ZNF791: variants seen among roughly 807,000 people sequenced by gnomAD.
ZNF791 encodes the protein zinc finger protein 791.
In ZNF791, 4 loss-of-function variants were observed where a neutral mutation model predicts 11.5. That is an observed-to-expected ratio of 0.35 (90% CI 0.17 to 0.80). The LOEUF is 0.80. Ranked by LOEUF, ZNF791 falls within the 30% of genes least tolerant of loss-of-function variation. ZNF791 has a pLI of 0.53. For missense variants in ZNF791, 559 were observed against 699.4 expected, an observed-to-expected ratio of 0.80 and a Z score of 2.26; for synonymous variants, 212 against 228.1, an observed-to-expected ratio of 0.93 and a Z score of 0.64.
chr19:12,616,999 A>T (rs562892436), intron 1 of ZNF791, among the ~76,000 whole-genome samples: 1 of 111,348 alleles, frequency 9.0e-6, no homozygotes, highest in East Asian at 2.1e-4. Flanking sequence ...AGATCCATGT[A>T]TAAATTTTTT....
chr19:12,616,349 T>C (rs2023244955), intron 1 of ZNF791, among the ~76,000 whole-genome samples: 1 of 152,132 alleles, frequency 6.6e-6, no homozygotes, highest in Non-Finnish European at 1.5e-5. Context: ...TCCCAGCTAC[T>C]CCAGAGGCTA....
chr19:12,612,806 ATTTTT>A (rs140336473), intron 1 of ZNF791, among the ~76,000 whole-genome samples: 2 of 104,214 alleles, frequency 1.9e-5, no homozygotes, highest in South Asian at 3.3e-4. Flanking sequence ...ATTCTGCTGG[ATTTTT>A]TTTTTTTTTT....
At chr19:12,624,904 A>G (rs1280069644) in intron 3 of ZNF791, among the ~76,000 whole-genome samples, 194 bp downstream of exon 3, 1 of 151,852 alleles carries the variant, frequency 6.6e-6, no homozygotes, top group African/African-American at 2.4e-5. Flanking sequence ...AAAAAAAGTT[A>G]GCCAGTTGTG....
intron 1 of ZNF791, among the ~76,000 whole-genome samples, chr19:12,618,203 C>CCAA (rs2145182612): frequency 6.6e-6 from 1 of 152,180 alleles, no homozygotes; most frequent in East Asian, 1.9e-4. Context: ...CAGGCGTGAG[C>CCAA]CACCACGTCC....
chr19:12,633,294 G>C lies in ZNF791; in HGVS notation c.*4034G>C, dbSNP rs189597461. 3 of 152,152 alleles carry C rather than the reference G, an allele frequency of 2.0e-5. No individual in the cohort carries two copies. In the East Asian group the frequency reaches 5.8e-4, roughly 29 times the overall value. 9.4% of individuals were successfully genotyped at this position (152,152 alleles called of 1,614,324 possible). A position where few individuals can be genotyped will look rare whatever the true frequency, so the allele number is the denominator to read the frequency against. Reference sequence around the variant, plus strand: ...GAATTCAGGAAGGACACCTGTGATAGGACAATAAAATCTAGAGCTGGACGT... The same window carrying C: ...GAATTCAGGAAGGACACCTGTGATACGACAATAAAATCTAGAGCTGGACGT... On this transcript the variant is annotated 3_prime_UTR_variant, in exon 4 of 4. Coordinates refer to ENST00000343325, the MANE Select transcript of ZNF791 (RefSeq NM_153358.3).
intron 1 of ZNF791, among the ~76,000 whole-genome samples, chr19:12,615,465 A>G (rs749610671): frequency 1.3e-5 from 2 of 152,008 alleles, no homozygotes; most frequent in African/African-American, 2.4e-5. Flanking sequence ...GATTTCTCTT[A>G]TCGTTGAACA....
chr19:12,619,740 C>A (rs2023307490), intron 1 of ZNF791, among the ~76,000 whole-genome samples: 1 of 151,824 alleles, frequency 6.6e-6, no homozygotes, highest in Non-Finnish European at 1.5e-5. Flanking sequence ...TGAGCCACCG[C>A]GCCCGGCCAC....
rs2023496899 is a variant in ZNF791, at chr19:12,631,105, T to C, written c.*1845T>C. The C allele has an allele frequency of 6.6e-6, 1 of 152,202 alleles. No individual in the cohort carries two copies. The highest frequency in any genetic ancestry group is 2.1e-4 in the South Asian group (1 of 4,828). 9.4% of individuals were successfully genotyped at this position (152,202 alleles called of 1,614,324 possible). On this transcript the variant is annotated 3_prime_UTR_variant, in exon 4 of 4. Transcript: ENST00000343325. Reference sequence around the variant, plus strand: ...ATGTTCATGGAGTGTCCTATGCAGGTGCATCCTTTTTTATCTTTTATACTG... The same window carrying C: ...ATGTTCATGGAGTGTCCTATGCAGGCGCATCCTTTTTTATCTTTTATACTG...
Position 12,629,546 on chromosome 19 carries a change from T to C in ZNF791, c.*286T>C, listed in dbSNP as rs1379827044. 4.5e-6 allele frequency: 1 copy of C among 224,092 alleles called. No homozygotes were observed. The highest frequency in any genetic ancestry group is 8.7e-6 in the Non-Finnish European group (1 of 115,032). The allele number at this position is 224,092 out of a possible 1,614,324, so 13.9% of individuals were successfully genotyped here. ...TAGTGCAGCACATTATTTAAGTGTT[T>C]ATGGTGCTGGTGTAAACGTGCTGCA... On this transcript the variant is annotated 3_prime_UTR_variant, in exon 4 of 4. Transcript: ENST00000343325.
At position 12,627,915 on chromosome 19, in the gene ZNF791, A is replaced by C. The variant is rs2023452420; in HGVS notation, c.386A>C (p.Glu129Ala). The C allele has an allele frequency of 1.2e-6, 2 of 1,614,168 alleles. No homozygotes were observed. Among genetic ancestry groups the C allele is most frequent in the Non-Finnish European group, 1.7e-6 (2 of 1,180,020 alleles). ...TCTCACACTGGATACGAGCTATTTG[A>C]GAAGCCATATAAATGTAAGGAGTGT... Reference protein sequence around the residue: ...MRSHTGYELFEKPYKCKECEK... With the variant: ...MRSHTGYELFAKPYKCKECEK... The change falls in exon 4 of 4, where the codon GAG (glutamate) becomes GCG (alanine). Residue 129 changes from glutamate (E) to alanine (A), a missense_variant. Transcript: ENST00000343325.
At chr19:12,621,427 A>C (rs531107649) in intron 1 of ZNF791, among the ~76,000 whole-genome samples, 5 of 151,864 alleles carry the variant, frequency 3.3e-5, no homozygotes, top group African/African-American at 1.2e-4. Context: ...AACTGGGTCT[A>C]TGATAGATAT....
intron 2 of ZNF791, among the ~76,000 whole-genome samples, chr19:12,624,377 T>C (rs1055050318): frequency 6.6e-6 from 1 of 151,894 alleles, no homozygotes; most frequent in Non-Finnish European, 1.5e-5. Context: ...GGTCTCGAAC[T>C]CCTGACCTCA....
chr19:12,617,168 C>T (rs752209105), intron 1 of ZNF791, among the ~76,000 whole-genome samples: 4 of 144,872 alleles, frequency 2.8e-5, no homozygotes, highest in Non-Finnish European at 6.0e-5. Context: ...CTGTGTCACT[C>T]AGGCTGGAGT....
intron 1 of ZNF791, among the ~76,000 whole-genome samples, chr19:12,611,587 A>G (rs1385862874): frequency 6.6e-6 from 1 of 152,198 alleles, no homozygotes; most frequent in Non-Finnish European, 1.5e-5. Context: ...TGTGTGGTGC[A>G]TTTCAAACAC....
At position 12,631,794 on chromosome 19, in the gene ZNF791, C is replaced by T. The variant is rs1259183679; in HGVS notation, c.*2534C>T. Reference sequence around the variant, plus strand: ...CTCATTCTTCAAGTACATCTCTGGACTATGAATTGTAACTTAACTACTTTT... The same window carrying T: ...CTCATTCTTCAAGTACATCTCTGGATTATGAATTGTAACTTAACTACTTTT... On this transcript the variant is annotated 3_prime_UTR_variant, in exon 4 of 4. Transcript: ENST00000343325. 1 of 152,148 alleles carries T rather than the reference C, an allele frequency of 6.6e-6. No homozygotes were observed. Among genetic ancestry groups the T allele is most frequent in the Non-Finnish European group, 1.5e-5 (1 of 68,030 alleles). The allele number at this position is 152,148 out of a possible 1,614,324, so 9.4% of individuals were successfully genotyped here.
chr19:12,624,128 T>C (rs1047052417), intron 2 of ZNF791, among the ~76,000 whole-genome samples: 7 of 151,026 alleles, frequency 4.6e-5, no homozygotes, highest in Non-Finnish European at 8.8e-5. Context: ...AGTGCTGGGA[T>C]TACAGGCATG....
In ZNF791 at chr19:12,620,791, C is replaced by T. The variant is rs184339960; in HGVS notation, c.4-2909C>T. 9.2e-5 allele frequency among the ~76,000 whole-genome samples: 11 copies of T among 119,868 alleles called. No individual in the cohort carries two copies. The South Asian group carries it at 1.3e-3, about 14-fold the overall frequency. The allele number at this position is 119,868 out of a possible 152,430, so 78.6% of individuals were successfully genotyped here. ...TTTTTTTTTTTTTGAGATAGAGTCT[C>T]GCTCTGTTGCCCAGGCTGGACTGCA... is the stretch of plus-strand genomic sequence containing the variant. On this transcript the variant is annotated intron_variant, in intron 1 of 3. Transcript: ENST00000343325.
rs2023525380 is a variant in ZNF791 at position 12,633,740 on chromosome 19, A to G, written c.*4480A>G. 2.0e-5 allele frequency: 3 copies of G among 151,382 alleles called. No individual in the cohort carries two copies. The South Asian group carries it at 6.3e-4, about 32-fold the overall frequency. The allele number at this position is 151,382 out of a possible 1,614,324, so 9.4% of individuals were successfully genotyped here. A position where few individuals can be genotyped will look rare whatever the true frequency, so the allele number is the denominator to read the frequency against. Reference sequence around the variant, plus strand: ...TCCCTTTGTGTTTCTATGAGCTTTAATTTGTATGGTTCTTGTTCTGTTAAT... The same window carrying G: ...TCCCTTTGTGTTTCTATGAGCTTTAGTTTGTATGGTTCTTGTTCTGTTAAT... On this transcript the variant is annotated 3_prime_UTR_variant, in exon 4 of 4. Coordinates refer to ENST00000343325, the MANE Select transcript of ZNF791 (RefSeq NM_153358.3).
intron 2 of ZNF791, among the ~76,000 whole-genome samples, chr19:12,624,334 G>T (rs544534712): frequency 2.0e-5 from 3 of 151,690 alleles, no homozygotes; most frequent in Non-Finnish European, 4.4e-5. Flanking sequence ...TGTATTTTTA[G>T]TAGAGACGGG....
Sources: gnomAD v4.1 joint callset for allele counts (sites outside exome capture counted in the v4.1 genomes callset) on GRCh38, gnomAD v4.1.1 for gene constraint, MANE v1.5 for transcripts, NCBI Gene and HGNC (gene_info 2026-07-23, HGNC 2026-07-21) for gene names.